The following FBXL4 variants were observed in gnomAD, a reference collection of about 807,000 sequenced individuals.
FBXL4 encodes F-box/LRR-repeat protein 4.
Under a neutral mutation model 58.9 loss-of-function variants are expected in FBXL4, and 40 were observed. The observed-to-expected ratio is 0.68, with a 90% CI of 0.53 to 0.88. The LOEUF is 0.88. Ranked by LOEUF, FBXL4 falls within the 40% of genes least tolerant of loss-of-function variation. FBXL4 has a pLI of 0.00. For synonymous variants in FBXL4, 263 were observed against 265.5 expected (o/e 0.99, Z 0.09); for missense variants, 676 against 734.4 (o/e 0.92, Z 0.92).
Position 98,926,703 on chromosome 6 carries a change from C to T in FBXL4, c.286G>A (p.Val96Met), listed in dbSNP as rs1772794747. The change falls in exon 4 of 10, where the codon GTG becomes ATG. Residue 96 changes from valine to methionine, a missense_variant. Transcript: ENST00000369244. ...PSSGDFTQTA[V>M]FRTYGTWWDQ... ...CACCATGTCCCATAAGTTCGAAACACAGCTGTCTGAGTAAAGTCACCAGAA... is the reference window on the plus strand; with the variant it reads ...CACCATGTCCCATAAGTTCGAAACATAGCTGTCTGAGTAAAGTCACCAGAA... 3 of 1,614,206 alleles carry T rather than the reference C, an allele frequency of 1.9e-6. No individual in the cohort carries two copies. The highest frequency in any genetic ancestry group is 1.7e-5 in the Admixed American group (1 of 60,024).
At position 98,899,480 on chromosome 6, in the gene FBXL4, A is replaced by T; in HGVS notation, c.1105T>A (p.Phe369Ile). Residue 369 changes from phenylalanine to isoleucine, a missense_variant and splice_region_variant, in exon 7 of 10, where the codon TTT becomes ATT. Coordinates refer to ENST00000369244, the MANE Select transcript of FBXL4 (RefSeq NM_001278716.2). ...AATTCGGATCCACAAACCTTCAGAA[A>T]CCTGCCAAAACAACATTCTATGTGA... ...GFISVAGFSR[F>I]LKVCGSELVR... 1 of 1,610,574 alleles carries T rather than the reference A, an allele frequency of 6.2e-7. No homozygotes were observed. The highest frequency in any genetic ancestry group is 8.5e-7 in the Non-Finnish European group (1 of 1,178,320).
intron 7 of FBXL4, chr6:98,896,808 A>C: frequency 3.1e-6 from 3 of 979,760 alleles, no homozygotes; most frequent in Admixed American, 6.1e-5. Flanking sequence ...GAGGGAAACC[A>C]GAGCTTATGC....
chr6:98,905,335 T>C (rs1007717555), intron 6 of FBXL4, 91 bp downstream of exon 6: 1 of 1,428,346 alleles, frequency 7.0e-7, no homozygotes, highest in Non-Finnish European at 9.6e-7. Context: ...ACATGTTACA[T>C]AATTTCAAAC....
chr6:98,938,477 T>A (rs1348408285), intron 1 of FBXL4, among the ~76,000 whole-genome samples: 4 of 152,194 alleles, frequency 2.6e-5, no homozygotes, highest in Non-Finnish European at 5.9e-5. Context: ...TATAGCAAGG[T>A]ATTAATACTT....
At chr6:98,931,048 G>A (rs1193271319) in intron 2 of FBXL4, among the ~76,000 whole-genome samples, 1 of 152,192 alleles carries the variant, frequency 6.6e-6, no homozygotes, top group Non-Finnish European at 1.5e-5. Context: ...ATCAAGGGAA[G>A]GACAGAAAAC....
rs1165697317 is a variant in FBXL4, at chr6:98,874,265, A to G, written c.*13T>C. The stretch of plus-strand genomic sequence containing the variant: ...ACAAAGCACATTAATTTTAATACAG[A>G]ACATATATTAAGTCACTGAGTAAAG... On this transcript the variant is annotated 3_prime_UTR_variant, in exon 10 of 10. Transcript: ENST00000369244. 6 of 1,556,310 alleles carry G rather than the reference A, an allele frequency of 3.9e-6. No individual in the cohort carries two copies. Among genetic ancestry groups the G allele is most frequent in the Non-Finnish European group, 5.2e-6 (6 of 1,158,424 alleles).
intron 7 of FBXL4, among the ~76,000 whole-genome samples, chr6:98,883,907 A>T: frequency 6.6e-6 from 1 of 151,586 alleles, no homozygotes; most frequent in East Asian, 1.9e-4. Flanking sequence ...AATCACCTTA[A>T]AGGTTTTAGT....
At chr6:98,898,307 A>G (rs944537125) in intron 7 of FBXL4, 2 of 985,302 alleles carry the variant, frequency 2.0e-6, no homozygotes, top group African/African-American at 3.5e-5. Flanking sequence ...AGTATATGAC[A>G]AACAGTATGT....
intron 7 of FBXL4, among the ~76,000 whole-genome samples, chr6:98,898,033 G>A (rs1771466796): frequency 6.6e-6 from 1 of 152,068 alleles, no homozygotes; most frequent in Non-Finnish European, 1.5e-5. Context: ...AAGAAAACAA[G>A]TATCATTTCA....
chr6:98,898,348 C>G, intron 7 of FBXL4: 1 of 985,384 alleles, frequency 1.0e-6, no homozygotes, highest in Non-Finnish European at 1.2e-6. Context: ...TACTCTTTAA[C>G]CTAGCAATAC....
chr6:98,926,696 C>T lies in FBXL4; in HGVS notation c.293G>A (p.Arg98Gln), dbSNP rs149860873. The change falls in exon 4 of 10, where the codon CGA becomes CAA. Residue 98 changes from arginine (R) to glutamine (Q), a missense_variant. Coordinates refer to ENST00000369244, the MANE Select transcript of FBXL4 (RefSeq NM_001278716.2). ...CTGATCCCACCATGTCCCATAAGTT[C>T]GAAACACAGCTGTCTGAGTAAAGTC... is the stretch of plus-strand genomic sequence containing the variant. ...SGDFTQTAVF[R>Q]TYGTWWDQCP... 3.1e-6 allele frequency: 5 copies of T among 1,614,026 alleles called. No homozygotes were observed. The highest frequency in any genetic ancestry group is 2.7e-5 in the African/African-American group (2 of 74,892).
rs1015673294 is a variant in FBXL4 at position 98,899,615 on chromosome 6, T to G, written c.1104-134A>C. The G allele has an allele frequency of 1.6e-5, 18 of 1,139,708 alleles. No homozygotes were observed. In the South Asian group the frequency reaches 2.0e-4, roughly 12 times the overall value. 70.6% of individuals were successfully genotyped at this position (1,139,708 alleles called of 1,614,324 possible). On this transcript the variant is annotated intron_variant, in intron 6 of 9. Coordinates refer to ENST00000369244, the MANE Select transcript of FBXL4 (RefSeq NM_001278716.2). ...ATTAGGGAAAATGTAAAATTTGTTT[T>G]GCTTAAATTCTTATTCACTGCATAC...
At chr6:98,925,586 A>G (rs1772747626) in intron 4 of FBXL4, among the ~76,000 whole-genome samples, 1 of 152,174 alleles carries the variant, frequency 6.6e-6, no homozygotes, top group African/African-American at 2.4e-5. Flanking sequence ...GTGCCCATCA[A>G]TGGGGGACTA....
chr6:98,872,760 A>G lies in FBXL4; in HGVS notation c.*1518T>C, dbSNP rs1770526890. 2 of 152,194 alleles carry G rather than the reference A, an allele frequency of 1.3e-5. No homozygotes were observed. The allele number at this position is 152,194 out of a possible 1,614,324, so 9.4% of individuals were successfully genotyped here. Reference sequence around the variant, plus strand: ...CTGAACACCTAAAAGCACAGGTTTAATGCAATGCTTCAGAAGCCAGATGGC... The same window carrying G: ...CTGAACACCTAAAAGCACAGGTTTAGTGCAATGCTTCAGAAGCCAGATGGC... On this transcript the variant is annotated 3_prime_UTR_variant, in exon 10 of 10. Transcript: ENST00000369244.
intron 1 of FBXL4, among the ~76,000 whole-genome samples, chr6:98,936,654 T>C (rs1197039342): frequency 1.3e-5 from 2 of 152,214 alleles, no homozygotes; most frequent in South Asian, 2.1e-4. Context: ...GCCTATTTCA[T>C]TGTAAGAATA....
intron 7 of FBXL4, chr6:98,898,710 T>C: frequency 2.0e-6 from 2 of 984,490 alleles, no homozygotes; most frequent in Non-Finnish European, 2.4e-6. Context: ...GAATGTTAAA[T>C]AGATTATGGT....
chr6:98,879,942 CAAAAAA>C (rs57952065), intron 8 of FBXL4, among the ~76,000 whole-genome samples: 6 of 62,544 alleles, frequency 9.6e-5, no homozygotes, highest in African/African-American at 3.9e-4. Flanking sequence ...GACTCCATCT[CAAAAAA>C]AAAAAAAAAA....
At chr6:98,939,851 T>C (rs1773368091) in intron 1 of FBXL4, among the ~76,000 whole-genome samples, 1 of 152,258 alleles carries the variant, frequency 6.6e-6, no homozygotes, top group African/African-American at 2.4e-5. Flanking sequence ...CACAATTTAC[T>C]AGAGACAAAC....
At chr6:98,923,099 T>C (rs958378070) in intron 4 of FBXL4, among the ~76,000 whole-genome samples, 2 of 152,020 alleles carry the variant, frequency 1.3e-5, no homozygotes, top group Admixed American at 6.6e-5. Context: ...AGATTGACAG[T>C]CCCCCTTTCC....
Sources: gnomAD v4.1 joint callset for allele counts (sites outside exome capture counted in the v4.1 genomes callset) on GRCh38, gnomAD v4.1.1 for gene constraint, MANE v1.5 for transcripts, NCBI Gene and HGNC (gene_info 2026-07-23, HGNC 2026-07-21) for gene names.